CNTNAP5: variants seen among roughly 807,000 people sequenced by gnomAD.
CNTNAP5 encodes the protein contactin-associated protein-like 5.
CNTNAP5 carries 72 observed loss-of-function variants against 150.2 expected under a neutral mutation model. That is an observed-to-expected ratio of 0.48 (90% confidence interval 0.40 to 0.58). The LOEUF is 0.58. Among genes scored for constraint, CNTNAP5 ranks in the 20% least tolerant of loss-of-function variants. The probability of loss-of-function intolerance (pLI) is 0.00; values close to 1 mark genes in which losing one functional copy is unlikely to be tolerated. For missense variants in CNTNAP5, 1,636 were observed against 1,626.2 expected, an observed-to-expected ratio of 1.01 and a Z score of -0.10; for synonymous variants, 672 against 619.8, an observed-to-expected ratio of 1.08 and a Z score of -1.25.
intron 3 of CNTNAP5, among the ~76,000 whole-genome samples, chr2:124,274,031 C>T (rs1399021770): frequency 6.6e-6 from 1 of 152,104 alleles, no homozygotes; most frequent in Non-Finnish European, 1.5e-5. Context: ...ATTAAAAAAG[C>T]TCAAAGAGTT....
chr2:124,299,909 A>G (rs1419038044), intron 3 of CNTNAP5, among the ~76,000 whole-genome samples: 6 of 152,190 alleles, frequency 3.9e-5, no homozygotes, highest in African/African-American at 9.6e-5. Context: ...CCTAGCTTTT[A>G]ACCATCTTGT....
chr2:124,213,892 G>A lies in CNTNAP5; in HGVS notation c.83-7813G>A, dbSNP rs144161508. ...AGTTTGGGCTCATTGTGGGGCATCCGTGTACAGATGCTCTTGAAATTCAAG... is the reference window on the plus strand; with the variant it reads ...AGTTTGGGCTCATTGTGGGGCATCCATGTACAGATGCTCTTGAAATTCAAG... On this transcript the variant is annotated intron_variant, in intron 1 of 23. Coordinates refer to ENST00000682447, the MANE Select transcript of CNTNAP5 (RefSeq NM_001367498.1). 2.0e-3 allele frequency among the ~76,000 whole-genome samples: 304 copies of A among 152,258 alleles called. 2 individuals are homozygous for A. Among genetic ancestry groups the A allele is most frequent in the African/African-American group, 7.2e-3 (298 of 41,544 alleles).
chr2:124,099,120 G>A (rs192721751), intron 1 of CNTNAP5, among the ~76,000 whole-genome samples: 2 of 152,214 alleles, frequency 1.3e-5, no homozygotes, highest in East Asian at 3.9e-4. Flanking sequence ...CACACTGTAA[G>A]CTCCAGTGAT....
At chr2:124,481,667 A>G (rs1461497756) in intron 7 of CNTNAP5, among the ~76,000 whole-genome samples, 2 of 152,180 alleles carry the variant, frequency 1.3e-5, no homozygotes, top group Non-Finnish European at 2.9e-5. Context: ...TTACCTTTTT[A>G]AAGTATTTTC....
In CNTNAP5 at chr2:124,790,262, G is replaced by A. The variant is rs1283042426; in HGVS notation, c.2992+121G>A. 55 of 1,105,862 alleles carry A rather than the reference G, an allele frequency of 5.0e-5. 1 individual carries two copies. The highest frequency in any genetic ancestry group is 6.9e-5 in the Non-Finnish European group (54 of 785,998). 68.5% of individuals were successfully genotyped at this position (1,105,862 alleles called of 1,614,324 possible). A position where few individuals can be genotyped will look rare whatever the true frequency, so the allele number is the denominator to read the frequency against. ...ATCATCTACTCTCCCGCTGTTTAGA[G>A]AGTCTGCATAGTTCTTCAACGTAAT... On this transcript the variant is annotated intron_variant, in intron 18 of 23. Transcript: ENST00000682447.
At chr2:124,808,267 G>C (rs903402969) in intron 19 of CNTNAP5, among the ~76,000 whole-genome samples, 1 of 152,136 alleles carries the variant, frequency 6.6e-6, no homozygotes, top group African/African-American at 2.4e-5. Flanking sequence ...CATGAAGAAT[G>C]AATGTGCAGA....
At chr2:124,859,387 A>G (rs978624191) in intron 19 of CNTNAP5, among the ~76,000 whole-genome samples, 2 of 152,244 alleles carry the variant, frequency 1.3e-5, no homozygotes, top group Non-Finnish European at 2.9e-5. Flanking sequence ...TAGAATGGCA[A>G]TCATTAAAAA....
intron 13 of CNTNAP5, among the ~76,000 whole-genome samples, chr2:124,730,924 T>C (rs1197340068): frequency 1.3e-5 from 2 of 152,256 alleles, no homozygotes; most frequent in South Asian, 2.1e-4. Context: ...CCTATTTTTA[T>C]TACTATCGTT....
intron 14 of CNTNAP5, among the ~76,000 whole-genome samples, chr2:124,756,203 A>G (rs1334850162): frequency 2.6e-5 from 4 of 152,230 alleles, no homozygotes; most frequent in Non-Finnish European, 5.9e-5. Context: ...ATTGCAAATC[A>G]AAACCACAAT....
At chr2:124,372,157 T>C (rs1170503487) in intron 3 of CNTNAP5, among the ~76,000 whole-genome samples, 1 of 152,036 alleles carries the variant, frequency 6.6e-6, no homozygotes, top group African/African-American at 2.4e-5. Flanking sequence ...CCCAGTGAGA[T>C]GAATTTTCAT....
chr2:124,139,914 G>T (rs1018879691), intron 1 of CNTNAP5, among the ~76,000 whole-genome samples: 1 of 152,126 alleles, frequency 6.6e-6, no homozygotes, highest in African/African-American at 2.4e-5. Context: ...GACAGTGGGC[G>T]CAGGCCAGTG....
At chr2:124,691,241 G>A (rs1184521540) in intron 13 of CNTNAP5, among the ~76,000 whole-genome samples, 1 of 152,136 alleles carries the variant, frequency 6.6e-6, no homozygotes, top group Non-Finnish European at 1.5e-5. Context: ...CCTTCTGGGT[G>A]TAGGGGTTTT....
chr2:124,168,799 A>C (rs1436087283), intron 1 of CNTNAP5, among the ~76,000 whole-genome samples: 1 of 152,216 alleles, frequency 6.6e-6, no homozygotes, highest in Non-Finnish European at 1.5e-5. Flanking sequence ...CTATTTATTG[A>C]AATTTTTTTC....
chr2:124,449,862 T>C (rs1224750620), intron 6 of CNTNAP5, among the ~76,000 whole-genome samples: 1 of 152,094 alleles, frequency 6.6e-6, no homozygotes, highest in Non-Finnish European at 1.5e-5. Context: ...CCTCCAGCCT[T>C]TGAAGATTCA....
chr2:124,493,795 T>C (rs968058892), intron 7 of CNTNAP5, among the ~76,000 whole-genome samples: 1 of 152,136 alleles, frequency 6.6e-6, no homozygotes, highest in Non-Finnish European at 1.5e-5. Flanking sequence ...TTGCTATTTG[T>C]TCTATTTTTA....
intron 1 of CNTNAP5, among the ~76,000 whole-genome samples, chr2:124,031,409 T>C (rs1005425811): frequency 6.6e-6 from 1 of 152,168 alleles, no homozygotes; most frequent in Non-Finnish European, 1.5e-5. Flanking sequence ...AGTATTACTT[T>C]TAAAATTTGT....
At chr2:124,076,523 C>G (rs1682441451) in intron 1 of CNTNAP5, among the ~76,000 whole-genome samples, 1 of 152,134 alleles carries the variant, frequency 6.6e-6, no homozygotes, top group Non-Finnish European at 1.5e-5. Context: ...CCTTCTTTCT[C>G]AACTGTCCTC....
At chr2:124,770,589 T>C (rs577045126) in intron 16 of CNTNAP5, among the ~76,000 whole-genome samples, 1 of 152,272 alleles carries the variant, frequency 6.6e-6, no homozygotes, top group South Asian at 2.1e-4. Flanking sequence ...GTTTTTAAAT[T>C]TGGGGATGTG....
At chr2:124,357,278 T>C (rs1011945401) in intron 3 of CNTNAP5, among the ~76,000 whole-genome samples, 2 of 152,230 alleles carry the variant, frequency 1.3e-5, no homozygotes, top group Non-Finnish European at 2.9e-5. Context: ...CTGATGGTAG[T>C]TTATTTTGCT....
Sources: gnomAD v4.1 joint callset for allele counts (sites outside exome capture counted in the v4.1 genomes callset) on GRCh38, gnomAD v4.1.1 for gene constraint, MANE v1.5 for transcripts, NCBI Gene and HGNC (gene_info 2026-07-23, HGNC 2026-07-21) for gene names.